Variants in EFCAB8 observed in about 807,000 individuals in gnomAD.
EFCAB8 encodes EF-hand calcium binding domain 8.
In EFCAB8, 100 loss-of-function variants were observed where a neutral mutation model predicts 116.3. That is an observed-to-expected ratio of 0.86 (90% CI 0.73 to 1.02). The LOEUF (loss-of-function observed/expected upper bound fraction) is 1.02, where lower values mean the gene tolerates loss of function less well. EFCAB8 is among the 50% of genes least tolerant of loss of function. The pLI is 0.00. For synonymous variants in EFCAB8, 558 were observed against 567.9 expected, an observed-to-expected ratio of 0.98 and a Z score of 0.25; for missense variants, 1,320 against 1,416.9, an observed-to-expected ratio of 0.93 and a Z score of 1.10.
chr20:32,915,194 T>G (rs538521823), intron 17 of EFCAB8, among the ~76,000 whole-genome samples: 2 of 152,336 alleles, frequency 1.3e-5, no homozygotes, highest in Non-Finnish European at 2.9e-5. Flanking sequence ...GTACCACTGC[T>G]CCTGGATTCT....
chr20:32,922,396 G>A (rs1987497457), intron 20 of EFCAB8, among the ~76,000 whole-genome samples: 2 of 152,182 alleles, frequency 1.3e-5, no homozygotes, highest in Admixed American at 1.3e-4. Flanking sequence ...GATCTTTTGG[G>A]CTAGTGACCT....
chr20:32,939,125 C>CTCTTTCTTTCTTTCTTTCTT (rs56136077), intron 22 of EFCAB8, among the ~76,000 whole-genome samples: 43 of 56,548 alleles, frequency 7.6e-4, no homozygotes, highest in East Asian at 2.8e-3. Context: ...CTCTTTCTTT[C>CTCTTTCTTTCTTTCTTTCTT]TCTTTCTTTC....
intron 4 of EFCAB8, among the ~76,000 whole-genome samples, chr20:32,877,420 G>A (rs1486316764): frequency 1.3e-5 from 2 of 151,892 alleles, no homozygotes; most frequent in African/African-American, 4.8e-5. Flanking sequence ...TGTTGGCCAG[G>A]CTGGCCTGGA....
At chr20:32,945,930 G>A (rs113840053) in intron 23 of EFCAB8, among the ~76,000 whole-genome samples, 46 of 152,224 alleles carry the variant, frequency 3.0e-4, no homozygotes, top group Middle Eastern at 3.4e-3. Flanking sequence ...TCTCTAGAGC[G>A]GCTACAAGCT....
chr20:32,919,205 A>G (rs1215338210), intron 19 of EFCAB8, among the ~76,000 whole-genome samples: 1 of 152,160 alleles, frequency 6.6e-6, no homozygotes, highest in Non-Finnish European at 1.5e-5. Flanking sequence ...AATCTCTTGT[A>G]TGGGGCAGGA....
chr20:32,872,425 G>A (rs1452255935), intron 3 of EFCAB8, among the ~76,000 whole-genome samples: 1 of 152,160 alleles, frequency 6.6e-6, no homozygotes, highest in East Asian at 1.9e-4. Flanking sequence ...CCCAGCCCTG[G>A]GGCAACAGGC....
In EFCAB8 at chr20:32,959,883, C is replaced by G; in HGVS notation, c.3195C>G (p.Ala1065=). 2 of 1,551,568 alleles carry G rather than the reference C, an allele frequency of 1.3e-6. No individual in the cohort carries two copies. The highest frequency in any genetic ancestry group is 4.9e-5 in the East Asian group (2 of 40,912). ...CAGATAAGGAGGCAGACACTTGGGC[C>G]AAGCTGCAGAAGATGGCCCTGATGT... The part of the protein sequence containing the change: ...GKADKEADTW[A]KLQKMALMSP... Residue 1065 remains alanine, a synonymous_variant, in exon 25 of 27, where the codon GCC becomes GCG. Transcript: ENST00000400522.
rs1986764454 is a variant in EFCAB8, at chr20:32,908,149, G to A, written c.1309-126G>A. On this transcript the variant is annotated intron_variant, in intron 13 of 26. Coordinates refer to ENST00000400522, the MANE Select transcript of EFCAB8 (RefSeq NM_001143967.2). ...GTGACGGTGCCAACACCATGTGTGT[G>A]TGTTAGAAGTGCTTGGACGGACGAT... 6 of 884,850 alleles carry A rather than the reference G, an allele frequency of 6.8e-6. No homozygotes were observed. In the East Asian group the frequency reaches 2.0e-4, roughly 29 times the overall value. 54.8% of individuals were successfully genotyped at this position (884,850 alleles called of 1,614,324 possible).
At chr20:32,914,568 G>A (rs1307981217) in intron 17 of EFCAB8, among the ~76,000 whole-genome samples, 1 of 152,232 alleles carries the variant, frequency 6.6e-6, no homozygotes, top group East Asian at 1.9e-4. Flanking sequence ...TGGCTAGGAG[G>A]GGGCCTCAGG....
rs375213060 is a variant in EFCAB8 at position 32,875,888 on chromosome 20, T to C, written c.209-38T>C. 2.6e-6 allele frequency: 4 copies of C among 1,535,852 alleles called. No homozygotes were observed. In the East Asian group the frequency reaches 7.4e-5, roughly 28 times the overall value. The stretch of plus-strand genomic sequence containing the variant: ...TGGCAGTGATGGGCCGAGGGACTTG[T>C]GAGGAAGGGGATGATGCTCTCTGTT... On this transcript the variant is annotated intron_variant, in intron 3 of 26. Coordinates refer to ENST00000400522, the MANE Select transcript of EFCAB8 (RefSeq NM_001143967.2).
In EFCAB8 at chr20:32,900,955, G is replaced by A. The variant is rs893574745; in HGVS notation, c.1088+2332G>A. 2.0e-5 allele frequency among the ~76,000 whole-genome samples: 3 copies of A among 152,220 alleles called. No individual in the cohort carries two copies. In the South Asian group the frequency reaches 6.2e-4, roughly 32 times the overall value. On this transcript the variant is annotated intron_variant, in intron 11 of 26. Transcript: ENST00000400522. ...TTGACCTCGTGATCCGCCCACCTCG[G>A]CCTCCCAAAGTGCTGGGATTACAGG...
intron 20 of EFCAB8, among the ~76,000 whole-genome samples, chr20:32,928,734 TC>T (rs1987770445): frequency 6.6e-6 from 1 of 152,168 alleles, no homozygotes; most frequent in African/African-American, 2.4e-5. Context: ...TGGCAGAACT[TC>T]CAGTACTCTG....
At chr20:32,901,001 C>A (rs753964112) in intron 11 of EFCAB8, among the ~76,000 whole-genome samples, 4 of 152,214 alleles carry the variant, frequency 2.6e-5, no homozygotes, top group African/African-American at 9.6e-5. Flanking sequence ...CGCGCCCGGC[C>A]GTCCAGTGCC....
At chr20:32,899,835 A>G (rs1986345461) in intron 11 of EFCAB8, among the ~76,000 whole-genome samples, 1 of 152,026 alleles carries the variant, frequency 6.6e-6, no homozygotes, top group African/African-American at 2.4e-5. Context: ...CGGCCTCCCA[A>G]AGTGCTGGGA....
At chr20:32,933,152 G>A (rs1357734023) in intron 22 of EFCAB8, among the ~76,000 whole-genome samples, 1 of 152,136 alleles carries the variant, frequency 6.6e-6, no homozygotes, top group Admixed American at 6.5e-5. Flanking sequence ...TGAGAGACTC[G>A]TCTAAGCTCC....
Position 32,871,386 on chromosome 20 carries a change from G to T in EFCAB8, c.208+3639G>T, listed in dbSNP as rs1984676938. Among the ~76,000 whole-genome samples the T allele has an allele frequency of 2.6e-5, 4 of 152,066 alleles. No individual in the cohort carries two copies. In the South Asian group the frequency reaches 8.3e-4, roughly 32 times the overall value. ...CCTCCTGGGCTCAAGCAATCCTCCT[G>T]ACTCAGCCTCCAGAGTAGCTAGGAC... On this transcript the variant is annotated intron_variant, in intron 3 of 26. Coordinates refer to ENST00000400522, the MANE Select transcript of EFCAB8 (RefSeq NM_001143967.2).
At chr20:32,899,888 T>C (rs1293444719) in intron 11 of EFCAB8, among the ~76,000 whole-genome samples, 1 of 152,192 alleles carries the variant, frequency 6.6e-6, no homozygotes, top group Non-Finnish European at 1.5e-5. Flanking sequence ...TCTGTTCTTT[T>C]ACTGTGTGGC....
intron 2 of EFCAB8, among the ~76,000 whole-genome samples, chr20:32,864,893 T>G (rs192772773): frequency 5.9e-4 from 90 of 152,344 alleles, no homozygotes; most frequent in African/African-American, 2.1e-3. Flanking sequence ...TAATTACAGT[T>G]TACTGGGGCT....
intron 22 of EFCAB8, among the ~76,000 whole-genome samples, chr20:32,942,597 A>G (rs1221100639): frequency 1.3e-5 from 2 of 151,944 alleles, no homozygotes; most frequent in Admixed American, 6.5e-5. Context: ...ATCCCCCCCA[A>G]TTTGTCATTT....
Sources: allele counts gnomAD v4.1 joint callset (sites outside exome capture counted in the v4.1 genomes callset), GRCh38; gene constraint gnomAD v4.1.1; transcripts MANE v1.5; gene names NCBI Gene and HGNC (gene_info 2026-07-23, HGNC 2026-07-21).